SGCD: variants seen among roughly 807,000 people sequenced by gnomAD.
SGCD encodes sarcoglycan delta.
In SGCD, 18 loss-of-function variants were observed where a neutral mutation model predicts 36.6. The observed-to-expected ratio is 0.49, with a 90% CI of 0.34 to 0.73. SGCD has a LOEUF of 0.73. Ranked by LOEUF, SGCD falls within the 30% of genes least tolerant of loss-of-function variation. The pLI, the probability that SGCD is intolerant of heterozygous loss-of-function variation, is 0.01. For missense variants in SGCD, 387 were observed against 346.7 expected, an observed-to-expected ratio of 1.12 and a Z score of -0.92; for synonymous variants, 133 against 130.6, an observed-to-expected ratio of 1.02 and a Z score of -0.12.
intron 1 of SGCD, among the ~76,000 whole-genome samples, chr5:155,951,489 C>T (rs1757547877): frequency 6.6e-6 from 1 of 152,096 alleles, no homozygotes; most frequent in South Asian, 2.1e-4. Context: ...TGCTAAGAGT[C>T]AAGAAAGTGG....
chr5:156,607,094 T>G (rs1301804537), intron 6 of SGCD, among the ~76,000 whole-genome samples: 1 of 152,042 alleles, frequency 6.6e-6, no homozygotes, highest in African/African-American at 2.4e-5. Flanking sequence ...TGAATAGGAG[T>G]GGTGAGAGAG....
At chr5:156,676,568 G>T (rs1561851850) in intron 7 of SGCD, among the ~76,000 whole-genome samples, 1 of 152,078 alleles carries the variant, frequency 6.6e-6, no homozygotes, top group Non-Finnish European at 1.5e-5. Flanking sequence ...GGGACCTCAA[G>T]ACAAGGTAAG....
intron 4 of SGCD, among the ~76,000 whole-genome samples, chr5:156,525,934 C>T (rs1757624877): frequency 6.6e-6 from 1 of 152,064 alleles, no homozygotes; most frequent in Non-Finnish European, 1.5e-5. Context: ...TTCCATTTAT[C>T]TATGTGTCTG....
intron 4 of SGCD, among the ~76,000 whole-genome samples, chr5:156,550,886 A>C (rs1407464517): frequency 6.6e-6 from 1 of 152,234 alleles, no homozygotes; most frequent in Non-Finnish European, 1.5e-5. Context: ...TGAAGACGGC[A>C]TGGGAATTGT....
chr5:156,174,032 A>G (rs1002638199), intron 3 of SGCD, among the ~76,000 whole-genome samples: 3 of 152,208 alleles, frequency 2.0e-5, no homozygotes, highest in African/African-American at 7.2e-5. Context: ...AACTCATTGT[A>G]AAGTATACAG....
chr5:156,453,834 C>G (rs1235842067), intron 3 of SGCD, among the ~76,000 whole-genome samples: 1 of 152,184 alleles, frequency 6.6e-6, no homozygotes, highest in Non-Finnish European at 1.5e-5. Flanking sequence ...ATCTCCACAC[C>G]ATTACACTTC....
intron 3 of SGCD, among the ~76,000 whole-genome samples, chr5:156,391,970 A>G (rs1416215108): frequency 6.6e-6 from 1 of 152,232 alleles, no homozygotes; most frequent in Non-Finnish European, 1.5e-5. Context: ...TGTATAAACC[A>G]TTTGAAAAGG....
intron 3 of SGCD, among the ~76,000 whole-genome samples, chr5:156,185,019 A>G (rs1309646416): frequency 6.6e-6 from 1 of 152,108 alleles, no homozygotes. Context: ...AACACCATTC[A>G]AGGAACAATG....
intron 4 of SGCD, among the ~76,000 whole-genome samples, chr5:156,515,700 A>G (rs1157256688): frequency 6.6e-6 from 1 of 152,252 alleles, no homozygotes; most frequent in East Asian, 1.9e-4. Flanking sequence ...GGACCCAAGA[A>G]CAGAGCTGTG....
At chr5:156,358,995 G>T (rs1769635734) in intron 3 of SGCD, among the ~76,000 whole-genome samples, 1 of 151,772 alleles carries the variant, frequency 6.6e-6, no homozygotes, top group Non-Finnish European at 1.5e-5. Flanking sequence ...AACACTTGTG[G>T]GATTCAAGAA....
chr5:156,401,248 A>G lies in SGCD; in HGVS notation c.192+56571A>G, dbSNP rs142374727. Among the ~76,000 whole-genome samples the G allele has an allele frequency of 1.8e-3, 279 of 152,332 alleles. 1 individual carries two copies. The highest frequency in any genetic ancestry group is 6.4e-3 in the African/African-American group (267 of 41,574). On this transcript the variant is annotated intron_variant, in intron 3 of 8. Transcript: ENST00000337851. Reference sequence around the variant, plus strand: ...CAGCTATGAAAAGCAAAGAATATGTATTTTTAATAAGTTCCCCAATTGAGG... The same window carrying G: ...CAGCTATGAAAAGCAAAGAATATGTGTTTTTAATAAGTTCCCCAATTGAGG...
intron 1 of SGCD, among the ~76,000 whole-genome samples, chr5:155,972,658 T>C (rs1461847498): frequency 5.3e-5 from 8 of 152,172 alleles, no homozygotes; most frequent in Admixed American, 5.2e-4. Flanking sequence ...ATTAAAATCT[T>C]ACAAAAATTA....
At chr5:156,485,202 T>C (rs1162130935) in intron 3 of SGCD, among the ~76,000 whole-genome samples, 1 of 152,216 alleles carries the variant, frequency 6.6e-6, no homozygotes, top group Non-Finnish European at 1.5e-5. Context: ...TTTGTGTATC[T>C]CTTTCTTCCA....
intron 3 of SGCD, among the ~76,000 whole-genome samples, chr5:156,370,307 G>A (rs1352070796): frequency 1.3e-5 from 2 of 152,116 alleles, no homozygotes; most frequent in African/African-American, 2.4e-5. Flanking sequence ...TCCAACAGGC[G>A]ATACATGTTG....
chr5:156,463,761 C>T (rs374709173), intron 3 of SGCD, among the ~76,000 whole-genome samples: 5 of 152,072 alleles, frequency 3.3e-5, no homozygotes, highest in Non-Finnish European at 7.4e-5. Flanking sequence ...TTGGGAGGCC[C>T]AGACGGGAGG....
At chr5:155,917,933 G>C (rs1263602211) in intron 1 of SGCD, among the ~76,000 whole-genome samples, 1 of 152,110 alleles carries the variant, frequency 6.6e-6, no homozygotes, top group Non-Finnish European at 1.5e-5. Context: ...TGAAGCAGGA[G>C]TTAATGGTTT....
intron 3 of SGCD, among the ~76,000 whole-genome samples, chr5:156,191,742 C>T (rs1462472789): frequency 6.6e-6 from 1 of 152,114 alleles, no homozygotes; most frequent in Non-Finnish European, 1.5e-5. Flanking sequence ...AGCTGTCAAT[C>T]TGGATCACAG....
At chr5:156,575,787 T>C (rs1478540517) in intron 4 of SGCD, among the ~76,000 whole-genome samples, 2 of 152,178 alleles carry the variant, frequency 1.3e-5, no homozygotes, top group Non-Finnish European at 2.9e-5. Flanking sequence ...TTTGGAGCGA[T>C]TGGGTACACA....
chr5:156,169,453 G>T (rs972244463), intron 3 of SGCD, among the ~76,000 whole-genome samples: 1 of 152,078 alleles, frequency 6.6e-6, no homozygotes, highest in Non-Finnish European at 1.5e-5. Context: ...TTCCTCAATT[G>T]TTTACTAAAA....
Sources: allele counts gnomAD v4.1 joint callset (sites outside exome capture counted in the v4.1 genomes callset), GRCh38; gene constraint gnomAD v4.1.1; transcripts MANE v1.5; gene names NCBI Gene and HGNC (gene_info 2026-07-23, HGNC 2026-07-21).